Variants in ADAMTS12 observed in about 807,000 individuals in gnomAD.
The protein encoded by ADAMTS12 is A disintegrin and metalloproteinase with thrombospondin motifs 12.
In ADAMTS12, 118 loss-of-function variants were observed where a neutral mutation model predicts 167.8. The observed-to-expected ratio is 0.70, with a 90% confidence interval of 0.61 to 0.82. The LOEUF (loss-of-function observed/expected upper bound fraction) is 0.82, where lower values mean the gene tolerates loss of function less well. Among genes scored for constraint, ADAMTS12 ranks in the 40% least tolerant of loss-of-function variants. The pLI is 0.00. For missense variants in ADAMTS12, 1,916 were observed against 1,998.8 expected (o/e 0.96, Z 0.79); for synonymous variants, 704 against 716.9 (o/e 0.98, Z 0.29).
At chr5:33,534,155 T>TAGC (rs1315016345) in intron 23 of ADAMTS12, among the ~76,000 whole-genome samples, 1 of 152,216 alleles carries the variant, frequency 6.6e-6, no homozygotes, top group African/African-American at 2.4e-5. Flanking sequence ...TCTCCTGGGG[T>TAGC]AGCCCTTGGC....
intron 9 of ADAMTS12, among the ~76,000 whole-genome samples, chr5:33,646,050 G>A (rs141562189): frequency 6.6e-6 from 1 of 152,294 alleles, no homozygotes; most frequent in Non-Finnish European, 1.5e-5. Context: ...GAACCACTGT[G>A]CAGGGTTCTA....
At chr5:33,802,924 T>G (rs1747065194) in intron 2 of ADAMTS12, among the ~76,000 whole-genome samples, 1 of 152,152 alleles carries the variant, frequency 6.6e-6, no homozygotes, top group African/African-American at 2.4e-5. Flanking sequence ...ACTGAGGAAC[T>G]CTACATGCCA....
intron 5 of ADAMTS12, among the ~76,000 whole-genome samples, chr5:33,669,222 A>G (rs963269066): frequency 1.2e-4 from 19 of 152,112 alleles, no homozygotes; most frequent in African/African-American, 4.6e-4. Flanking sequence ...TTCTAAAGCT[A>G]TTTTCCATAA....
At chr5:33,686,352 A>C (rs1742323468) in intron 3 of ADAMTS12, among the ~76,000 whole-genome samples, 1 of 152,204 alleles carries the variant, frequency 6.6e-6, no homozygotes, top group African/African-American at 2.4e-5. Context: ...CTGCAGCCTC[A>C]GTCCCCACCC....
intron 2 of ADAMTS12, among the ~76,000 whole-genome samples, chr5:33,768,139 C>G (rs1445331642): frequency 6.6e-6 from 1 of 152,172 alleles, no homozygotes; most frequent in Non-Finnish European, 1.5e-5. Flanking sequence ...CTGTGCTGGG[C>G]AAGAGGCCAT....
intron 2 of ADAMTS12, among the ~76,000 whole-genome samples, chr5:33,836,890 G>T (rs1012573470): frequency 6.6e-6 from 1 of 151,984 alleles, no homozygotes; most frequent in Non-Finnish European, 1.5e-5. Context: ...AGGTCATCTG[G>T]CCTCCGGGAG....
intron 2 of ADAMTS12, among the ~76,000 whole-genome samples, chr5:33,763,574 G>C (rs1427101177): frequency 6.6e-6 from 1 of 152,210 alleles, no homozygotes; most frequent in Non-Finnish European, 1.5e-5. Context: ...TACACCCTAG[G>C]GGGTGGTCAT....
intron 16 of ADAMTS12, among the ~76,000 whole-genome samples, chr5:33,611,102 A>G (rs1458368765): frequency 1.3e-5 from 2 of 152,172 alleles, no homozygotes; most frequent in African/African-American, 4.8e-5. Flanking sequence ...TCAAAAGCAT[A>G]ATGTTGAGGG....
intron 3 of ADAMTS12, among the ~76,000 whole-genome samples, chr5:33,738,525 C>T (rs972794268): frequency 4.6e-5 from 7 of 152,160 alleles, no homozygotes; most frequent in Non-Finnish European, 4.4e-5. Flanking sequence ...TGGCTTTCGG[C>T]TTTCACCTCT....
intron 2 of ADAMTS12, among the ~76,000 whole-genome samples, chr5:33,844,354 G>A (rs564828774): frequency 6.6e-6 from 1 of 152,312 alleles, no homozygotes; most frequent in South Asian, 2.1e-4. Context: ...AAGCAAACAG[G>A]AGAAATATTG....
chr5:33,695,166 T>C (rs1348602122), intron 3 of ADAMTS12, among the ~76,000 whole-genome samples: 1 of 152,202 alleles, frequency 6.6e-6, no homozygotes, highest in African/African-American at 2.4e-5. Flanking sequence ...CCACAATAGA[T>C]CAAAACTCTA....
rs149567494 is a variant in ADAMTS12, at chr5:33,850,490, C to T, written c.489+30629G>A. The stretch of plus-strand genomic sequence containing the variant: ...AGCTAACATGCCCAAAGTTACAGAG[C>T]TAATGACTGAAATCTGCCTACCTGG... On this transcript the variant is annotated intron_variant, in intron 2 of 23. Coordinates refer to ENST00000504830, the MANE Select transcript of ADAMTS12 (RefSeq NM_030955.4). Among the ~76,000 whole-genome samples the T allele has an allele frequency of 1.9e-3, 294 of 152,306 alleles. 2 individuals carry two copies. In the South Asian group the frequency reaches 0.024, roughly 13 times the overall value.
At chr5:33,766,057 C>A (rs1214125010) in intron 2 of ADAMTS12, among the ~76,000 whole-genome samples, 1 of 152,166 alleles carries the variant, frequency 6.6e-6, no homozygotes, top group East Asian at 1.9e-4. Context: ...CTACAAACGT[C>A]TTCCTGTACA....
At chr5:33,695,955 T>C (rs544431692) in intron 3 of ADAMTS12, among the ~76,000 whole-genome samples, 1 of 152,316 alleles carries the variant, frequency 6.6e-6, no homozygotes, top group South Asian at 2.1e-4. Context: ...GAATACAGAT[T>C]CACCCAATTT....
intron 16 of ADAMTS12, among the ~76,000 whole-genome samples, chr5:33,602,366 A>G (rs1301601271): frequency 1.3e-5 from 2 of 152,220 alleles, no homozygotes; most frequent in Non-Finnish European, 2.9e-5. Context: ...ATTATTTTAT[A>G]TATTTATGCA....
At chr5:33,874,516 T>C (rs1423453349) in intron 2 of ADAMTS12, among the ~76,000 whole-genome samples, 1 of 152,164 alleles carries the variant, frequency 6.6e-6, no homozygotes, top group Non-Finnish European at 1.5e-5. Flanking sequence ...TGGAAGACAA[T>C]TTGGCTGCTT....
chr5:33,672,006 C>G (rs1741715395), intron 5 of ADAMTS12, among the ~76,000 whole-genome samples: 2 of 149,464 alleles, frequency 1.3e-5, no homozygotes, highest in Non-Finnish European at 3.0e-5. Context: ...CATATACTCA[C>G]ATACACACAC....
chr5:33,570,897 G>T (rs1579682379), intron 19 of ADAMTS12, among the ~76,000 whole-genome samples: 5 of 150,126 alleles, frequency 3.3e-5, no homozygotes, highest in South Asian at 4.3e-4. Context: ...AAAGGATGGA[G>T]GAAGATCTAC....
At chr5:33,532,739 A>T (rs1299750460) in intron 23 of ADAMTS12, among the ~76,000 whole-genome samples, 1 of 152,186 alleles carries the variant, frequency 6.6e-6, no homozygotes, top group African/African-American at 2.4e-5. Context: ...AAAACTTCAA[A>T]TGGTTTCTAA....
Sources: allele counts gnomAD v4.1 joint callset (sites outside exome capture counted in the v4.1 genomes callset), GRCh38; gene constraint gnomAD v4.1.1; transcripts MANE v1.5; gene names NCBI Gene and HGNC (gene_info 2026-07-23, HGNC 2026-07-21).